The following PPARGC1A variants were observed in gnomAD, a reference collection of about 807,000 sequenced individuals.
The protein encoded by PPARGC1A is peroxisome proliferator-activated receptor gamma coactivator 1-alpha.
A neutral mutation model predicts 88.7 loss-of-function variants in PPARGC1A; 25 were observed. The ratio of observed to expected loss-of-function variants is 0.28; its 90% CI spans 0.21 to 0.39. The LOEUF (loss-of-function observed/expected upper bound fraction) is 0.39, where lower values mean the gene tolerates loss of function less well. Ranked by LOEUF, PPARGC1A falls within the 10% of genes least tolerant of loss-of-function variation. PPARGC1A has a pLI of 1.00. For synonymous variants in PPARGC1A, 363 were observed against 355.6 expected, an observed-to-expected ratio of 1.02 and a Z score of -0.24; for missense variants, 880 against 968.7, an observed-to-expected ratio of 0.91 and a Z score of 1.22.
At chr4:24,089,662 C>T in the PPARGC1A span, among the ~76,000 whole-genome samples, 2 of 151,998 alleles carry the variant, frequency 1.3e-5, no homozygotes, top group Non-Finnish European at 2.9e-5. Context: ...AGGCGCCCGC[C>T]GCCACGCCCG....
At chr4:24,287,959 C>T in the PPARGC1A span, among the ~76,000 whole-genome samples, 2 of 151,988 alleles carry the variant, frequency 1.3e-5, no homozygotes, top group Non-Finnish European at 2.9e-5. Context: ...TCCAGCAGCT[C>T]CTTCTCTCAT....
chr4:23,802,384 A>G (rs767990087), intron 10 of PPARGC1A, 39 bp from the exon 11 acceptor site: 8 of 1,613,036 alleles, frequency 5.0e-6, no homozygotes, highest in Non-Finnish European at 8.5e-7. Context: ...GGAGTGGGAA[A>G]AAAGCTAGCC....
the PPARGC1A span, among the ~76,000 whole-genome samples, chr4:24,342,684 A>G: frequency 6.6e-6 from 1 of 152,204 alleles, no homozygotes; most frequent in Admixed American, 6.5e-5. Context: ...AAATGGGCAA[A>G]GTGATTAAAA....
At chr4:24,202,109 C>T in the PPARGC1A span, among the ~76,000 whole-genome samples, 2 of 152,010 alleles carry the variant, frequency 1.3e-5, no homozygotes, top group African/African-American at 4.8e-5. Flanking sequence ...ACCATGTTGG[C>T]CCAAGTGATC....
chr4:24,145,958 G>T, the PPARGC1A span, among the ~76,000 whole-genome samples: 1 of 152,164 alleles, frequency 6.6e-6, no homozygotes, highest in Non-Finnish European at 1.5e-5. Context: ...GGTCCCAGGA[G>T]TATTTTCATA....
the PPARGC1A span, among the ~76,000 whole-genome samples, chr4:24,421,472 G>A: frequency 3.9e-5 from 6 of 152,082 alleles, no homozygotes; most frequent in African/African-American, 1.2e-4. Context: ...CATCAAGTCC[G>A]GCTAATTTTT....
chr4:24,072,558 G>A, the PPARGC1A span, among the ~76,000 whole-genome samples: 83 of 152,082 alleles, frequency 5.5e-4, no homozygotes, highest in African/African-American at 1.4e-3. Flanking sequence ...AACTTTTAAA[G>A]CTCATTTATA....
chr4:23,969,233 G>T, the PPARGC1A span, among the ~76,000 whole-genome samples: 2 of 152,152 alleles, frequency 1.3e-5, no homozygotes, highest in Admixed American at 1.3e-4. Context: ...AGAGTCTTTA[G>T]GGAATGGCTA....
At chr4:24,053,499 G>T in the PPARGC1A span, among the ~76,000 whole-genome samples, 3 of 151,496 alleles carry the variant, frequency 2.0e-5, no homozygotes, top group South Asian at 6.3e-4. Context: ...AAAAATGAGG[G>T]CAATAAGAAA....
At chr4:23,802,155 G>T in intron 11 of PPARGC1A, 69 bp downstream of exon 11, 1 of 1,602,716 alleles carries the variant, frequency 6.2e-7, no homozygotes, top group Non-Finnish European at 8.5e-7. Context: ...TCCCATCCCA[G>T]TAATCTTATG....
the PPARGC1A span, among the ~76,000 whole-genome samples, chr4:24,177,382 C>G: frequency 2.0e-5 from 3 of 151,296 alleles, no homozygotes; most frequent in Non-Finnish European, 4.4e-5. Context: ...AACCAAACAC[C>G]GCATGTTCTC....
the PPARGC1A span, among the ~76,000 whole-genome samples, chr4:24,131,137 C>A: frequency 6.6e-6 from 1 of 152,068 alleles, no homozygotes; most frequent in Non-Finnish European, 1.5e-5. Flanking sequence ...CCATGTCTAT[C>A]TTTAGTACCT....
the PPARGC1A span, among the ~76,000 whole-genome samples, chr4:24,272,681 C>A: frequency 1.3e-5 from 2 of 152,196 alleles, no homozygotes; most frequent in Non-Finnish European, 2.9e-5. Context: ...GAACCCCCAA[C>A]GTCATCATAA....
chr4:24,076,385 C>T, the PPARGC1A span, among the ~76,000 whole-genome samples: 1 of 152,164 alleles, frequency 6.6e-6, no homozygotes, highest in Non-Finnish European at 1.5e-5. Flanking sequence ...TTCATATATA[C>T]ATTCTGCCTA....
At chr4:24,161,711 G>A in the PPARGC1A span, among the ~76,000 whole-genome samples, 1 of 152,142 alleles carries the variant, frequency 6.6e-6, no homozygotes, top group Non-Finnish European at 1.5e-5. Flanking sequence ...AGGTTCCGAT[G>A]GTAAATTCAG....
the PPARGC1A span, among the ~76,000 whole-genome samples, chr4:24,286,602 G>A: frequency 1.3e-5 from 2 of 152,216 alleles, no homozygotes; most frequent in African/African-American, 4.8e-5. Flanking sequence ...AGATGGCTGA[G>A]TGAAGGCACA....
the PPARGC1A span, among the ~76,000 whole-genome samples, chr4:24,065,722 T>C: frequency 2.6e-5 from 4 of 152,160 alleles, no homozygotes; most frequent in African/African-American, 9.7e-5. Context: ...ATGAAGGCTC[T>C]GTGAAGTCTG....
chr4:24,255,891 G>A, the PPARGC1A span, among the ~76,000 whole-genome samples: 1 of 152,132 alleles, frequency 6.6e-6, no homozygotes, highest in Non-Finnish European at 1.5e-5. Flanking sequence ...TATCCCATAG[G>A]GTTGTTGGGT....
At chr4:24,344,512 A>C in the PPARGC1A span, among the ~76,000 whole-genome samples, 1 of 151,096 alleles carries the variant, frequency 6.6e-6, no homozygotes, top group African/African-American at 2.4e-5. Context: ...GTTGTTGAGC[A>C]TTTTTTCATA....
Sources: gnomAD v4.1 joint callset for allele counts (sites outside exome capture counted in the v4.1 genomes callset) on GRCh38, gnomAD v4.1.1 for gene constraint, MANE v1.5 for transcripts, NCBI Gene and HGNC (gene_info 2026-07-23, HGNC 2026-07-21) for gene names.